The following L3MBTL4 variants were observed in gnomAD, a reference collection of about 807,000 sequenced individuals.
L3MBTL4 encodes lethal(3)malignant brain tumor-like protein 4.
Under a neutral mutation model 84.5 loss-of-function variants are expected in L3MBTL4, and 70 were observed. That is an observed-to-expected ratio of 0.83 (90% CI 0.68 to 1.01). The LOEUF is 1.01. Among genes scored for constraint, L3MBTL4 ranks in the 50% least tolerant of loss-of-function variants. L3MBTL4 has a pLI of 0.00. For synonymous variants in L3MBTL4, 274 were observed against 259.8 expected, an observed-to-expected ratio of 1.05 and a Z score of -0.52; for missense variants, 715 against 754.8, an observed-to-expected ratio of 0.95 and a Z score of 0.62.
intron 5 of L3MBTL4, among the ~76,000 whole-genome samples, chr18:6,245,968 G>A (rs190719675): frequency 8.1e-4 from 123 of 152,186 alleles, no homozygotes; most frequent in African/African-American, 2.9e-3. Flanking sequence ...AGTTTTCTAT[G>A]GTGTCAGGTA....
intron 1 of L3MBTL4, among the ~76,000 whole-genome samples, chr18:6,319,045 G>A (rs920076131): frequency 2.0e-5 from 3 of 152,012 alleles, no homozygotes; most frequent in Non-Finnish European, 2.9e-5. Flanking sequence ...GGTTAACAAC[G>A]AAACCAAGAT....
At chr18:6,231,543 A>C (rs1343692366) in intron 10 of L3MBTL4, among the ~76,000 whole-genome samples, 1 of 151,822 alleles carries the variant, frequency 6.6e-6, no homozygotes, top group Non-Finnish European at 1.5e-5. Context: ...CTAATACACG[A>C]ACATGGCTTT....
At chr18:6,059,662 C>A (rs191312402) in intron 16 of L3MBTL4, among the ~76,000 whole-genome samples, 1 of 152,298 alleles carries the variant, frequency 6.6e-6, no homozygotes, top group Admixed American at 6.5e-5. Context: ...AGAGGGCACC[C>A]AGACCCCTCC....
chr18:6,057,388 A>G (rs1037321359), intron 16 of L3MBTL4, among the ~76,000 whole-genome samples: 2 of 152,218 alleles, frequency 1.3e-5, no homozygotes, highest in Admixed American at 6.5e-5. Context: ...GTGTATAACA[A>G]TCTATCACCA....
chr18:6,311,696 G>T, intron 2 of L3MBTL4, 40 bp from the exon 3 acceptor site: 1 of 1,152,960 alleles, frequency 8.7e-7, no homozygotes, highest in Non-Finnish European at 1.3e-6. Flanking sequence ...GGATGGGGGT[G>T]TGACCCCTTC....
Position 6,279,835 on chromosome 18 carries a change from T to A in L3MBTL4, c.128-15797A>T, listed in dbSNP as rs767384668. 1.6e-4 allele frequency among the ~76,000 whole-genome samples: 24 copies of A among 152,182 alleles called. 1 individual carries two copies. On this transcript the variant is annotated intron_variant, in intron 4 of 18. Transcript: ENST00000317931. ...TTAACTACATATTTCCCTTGACCTT[T>A]TTCCTCTATATATCCTAGAGCCACC... is the stretch of plus-strand genomic sequence containing the variant.
At chr18:6,264,093 T>C in intron 4 of L3MBTL4, 55 bp from the exon 5 acceptor site, 1 of 1,285,246 alleles carries the variant, frequency 7.8e-7, no homozygotes, top group Non-Finnish European at 1.1e-6. Flanking sequence ...AGGAAAATAA[T>C]AAAACTTACT....
At chr18:5,985,844 G>A (rs907017553) in intron 16 of L3MBTL4, among the ~76,000 whole-genome samples, 1 of 152,156 alleles carries the variant, frequency 6.6e-6, no homozygotes, top group African/African-American at 2.4e-5. Flanking sequence ...AGAAGTGAGG[G>A]ATGGGGATGA....
chr18:6,319,332 G>C (rs2051285347), intron 1 of L3MBTL4, among the ~76,000 whole-genome samples: 1 of 151,994 alleles, frequency 6.6e-6, no homozygotes, highest in Admixed American at 6.6e-5. Context: ...ACCAAAGGCT[G>C]CTTCTTTGAA....
At chr18:5,967,790 G>T (rs2052426788) in intron 17 of L3MBTL4, among the ~76,000 whole-genome samples, 1 of 152,238 alleles carries the variant, frequency 6.6e-6, no homozygotes, top group African/African-American at 2.4e-5. Context: ...CTGTTTGAGT[G>T]TAAGAACAGG....
intron 14 of L3MBTL4, among the ~76,000 whole-genome samples, chr18:6,125,804 A>G (rs1226584049): frequency 6.6e-6 from 1 of 152,234 alleles, no homozygotes; most frequent in African/African-American, 2.4e-5. Context: ...GCTAAAAATA[A>G]TAGAACAGAC....
At chr18:6,298,010 A>G (rs2050177512) in intron 4 of L3MBTL4, among the ~76,000 whole-genome samples, 1 of 152,252 alleles carries the variant, frequency 6.6e-6, no homozygotes, top group Non-Finnish European at 1.5e-5. Flanking sequence ...TATCATATGC[A>G]TAAATGGAAT....
chr18:6,245,522 T>G (rs2047623626), intron 5 of L3MBTL4, among the ~76,000 whole-genome samples: 1 of 152,098 alleles, frequency 6.6e-6, no homozygotes, highest in East Asian at 1.9e-4. Context: ...ATCAATTATT[T>G]TCTATACATT....
At chr18:6,017,468 A>G (rs1032979362) in intron 16 of L3MBTL4, among the ~76,000 whole-genome samples, 2 of 152,252 alleles carry the variant, frequency 1.3e-5, no homozygotes, top group Non-Finnish European at 2.9e-5. Flanking sequence ...ATAAATACAT[A>G]TTATGTCACA....
chr18:6,165,025 G>A (rs1197901657), intron 13 of L3MBTL4, among the ~76,000 whole-genome samples: 2 of 152,150 alleles, frequency 1.3e-5, no homozygotes, highest in African/African-American at 2.4e-5. Context: ...CAAGAACTAC[G>A]TGACGAATGC....
intron 16 of L3MBTL4, among the ~76,000 whole-genome samples, chr18:6,079,588 C>T (rs10502340): frequency 0.095 from 14,482 of 152,166 alleles, 1,131 homozygotes; most frequent in African/African-American, 0.21. Context: ...AAGGATGATC[C>T]TCATTACTAC....
intron 8 of L3MBTL4, 105 bp from the exon 9 acceptor site, chr18:6,239,977 G>A: frequency 8.7e-7 from 1 of 1,147,984 alleles, no homozygotes; most frequent in Non-Finnish European, 1.3e-6. Context: ...AAGTCTACAG[G>A]TGTCAGCACT....
In L3MBTL4 at chr18:6,203,259, A is replaced by G. The variant is rs183689321; in HGVS notation, c.981+9890T>C. ...TTACTACCCCAGTTCCCTCCACAAA[A>G]AAACAGGCTAGATAGGGAAACGCTG... On this transcript the variant is annotated intron_variant, in intron 12 of 18. Coordinates refer to ENST00000317931, the MANE Select transcript of L3MBTL4 (RefSeq NM_001330559.2). Among the ~76,000 whole-genome samples, 5 of 152,316 alleles carry G rather than the reference A, an allele frequency of 3.3e-5. No individual in the cohort carries two copies. In the East Asian group the frequency reaches 9.7e-4, roughly 29 times the overall value.
At chr18:6,029,095 T>C (rs2055651480) in intron 16 of L3MBTL4, among the ~76,000 whole-genome samples, 1 of 152,190 alleles carries the variant, frequency 6.6e-6, no homozygotes, top group Non-Finnish European at 1.5e-5. Context: ...TGACTACTTC[T>C]CACCCACTGT....
Sources: gnomAD v4.1 joint callset for allele counts (sites outside exome capture counted in the v4.1 genomes callset) on GRCh38, gnomAD v4.1.1 for gene constraint, MANE v1.5 for transcripts, NCBI Gene and HGNC (gene_info 2026-07-23, HGNC 2026-07-21) for gene names.